The following CSMD3 variants were observed in gnomAD, a reference collection of about 807,000 sequenced individuals.
CSMD3 encodes the protein CUB and sushi domain-containing protein 3.
In CSMD3, 177 loss-of-function variants were observed where a neutral mutation model predicts 435.2. That is an observed-to-expected ratio of 0.41 (90% CI 0.36 to 0.46). The LOEUF is 0.46. Among genes scored for constraint, CSMD3 ranks in the 20% least tolerant of loss-of-function variants. CSMD3 has a pLI of 0.34. For missense variants in CSMD3, 4,265 were observed against 4,504.6 expected (o/e 0.95, Z 1.52); for synonymous variants, 1,656 against 1,520.5 (o/e 1.09, Z -2.07).
intron 28 of CSMD3, among the ~76,000 whole-genome samples, chr8:112,508,899 G>A (rs1822809206): frequency 6.6e-6 from 1 of 151,984 alleles, no homozygotes; most frequent in Non-Finnish European, 1.5e-5. Flanking sequence ...AGATTAAGAT[G>A]ACTAACAAGT....
At chr8:113,114,797 A>G (rs989786290) in intron 4 of CSMD3, among the ~76,000 whole-genome samples, 2 of 152,174 alleles carry the variant, frequency 1.3e-5, no homozygotes, top group African/African-American at 4.8e-5. Flanking sequence ...ACAGAGGTAG[A>G]TAGAACATTG....
intron 19 of CSMD3, 69 bp downstream of exon 19, chr8:112,650,092 C>T (rs1275848473): frequency 8.3e-6 from 9 of 1,083,416 alleles, no homozygotes; most frequent in Non-Finnish European, 1.3e-5. Context: ...TGTTAAACCC[C>T]ATATAAAAAA....
intron 10 of CSMD3, among the ~76,000 whole-genome samples, chr8:112,914,267 G>T (rs1238709538): frequency 1.3e-5 from 2 of 151,700 alleles, no homozygotes; most frequent in Non-Finnish European, 2.9e-5. Context: ...GTTGCTTTAG[G>T]GATGTTCTCT....
At chr8:112,497,904 G>T (rs1482971665) in intron 30 of CSMD3, among the ~76,000 whole-genome samples, 1 of 151,986 alleles carries the variant, frequency 6.6e-6, no homozygotes, top group African/African-American at 2.4e-5. Context: ...GGACCAGGTA[G>T]AAAATTAATG....
chr8:112,742,572 T>A (rs1044234395), intron 13 of CSMD3, among the ~76,000 whole-genome samples: 2 of 151,964 alleles, frequency 1.3e-5, no homozygotes, highest in Non-Finnish European at 2.9e-5. Flanking sequence ...GATTGTGTTA[T>A]ACTCCAGAGA....
At chr8:112,891,762 A>G (rs1304016726) in intron 10 of CSMD3, among the ~76,000 whole-genome samples, 1 of 151,552 alleles carries the variant, frequency 6.6e-6, no homozygotes, top group East Asian at 2.0e-4. Context: ...ACATTAGGAA[A>G]CTGAGGCTTA....
intron 1 of CSMD3, among the ~76,000 whole-genome samples, chr8:113,372,418 C>G (rs1182524195): frequency 1.3e-5 from 2 of 152,126 alleles, no homozygotes; most frequent in Non-Finnish European, 2.9e-5. Context: ...TTTCTACATA[C>G]ATAAGATGAG....
At chr8:112,910,591 T>A (rs1025091030) in intron 10 of CSMD3, among the ~76,000 whole-genome samples, 3 of 151,860 alleles carry the variant, frequency 2.0e-5, no homozygotes, top group African/African-American at 7.2e-5. Context: ...CTCCTAGGAC[T>A]GTAATGTTAC....
chr8:113,373,359 A>T (rs965633667), intron 1 of CSMD3, among the ~76,000 whole-genome samples: 1 of 151,856 alleles, frequency 6.6e-6, no homozygotes, highest in Non-Finnish European at 1.5e-5. Context: ...GATTTTATGG[A>T]CACACACACA....
At chr8:112,323,229 C>A (rs1412648851) in intron 45 of CSMD3, among the ~76,000 whole-genome samples, 1 of 152,006 alleles carries the variant, frequency 6.6e-6, no homozygotes, top group Non-Finnish European at 1.5e-5. Context: ...CTACAAAAGG[C>A]TTAATCATAA....
At chr8:113,221,521 A>C (rs918303017) in intron 3 of CSMD3, among the ~76,000 whole-genome samples, 4 of 151,226 alleles carry the variant, frequency 2.6e-5, no homozygotes, top group Non-Finnish European at 5.9e-5. Context: ...TTTATTTTTA[A>C]AAATTTAATA....
intron 13 of CSMD3, among the ~76,000 whole-genome samples, chr8:112,771,867 G>T (rs924366072): frequency 2.6e-5 from 4 of 152,016 alleles, no homozygotes; most frequent in African/African-American, 7.2e-5. Flanking sequence ...CAACAATATT[G>T]TGGTAAATCA....
At chr8:113,023,870 A>G (rs1013466512) in intron 5 of CSMD3, among the ~76,000 whole-genome samples, 3 of 152,138 alleles carry the variant, frequency 2.0e-5, no homozygotes, top group African/African-American at 4.8e-5. Flanking sequence ...TAATGATCAA[A>G]TCAGAGTAAT....
chr8:112,546,054 G>C (rs1827153308), intron 27 of CSMD3, among the ~76,000 whole-genome samples: 1 of 152,158 alleles, frequency 6.6e-6, no homozygotes, highest in Non-Finnish European at 1.5e-5. Flanking sequence ...TTTGAATGTA[G>C]GTACAAGTGT....
At chr8:112,300,506 A>T (rs2130748001) in intron 53 of CSMD3, among the ~76,000 whole-genome samples, 1 of 152,108 alleles carries the variant, frequency 6.6e-6, no homozygotes, top group Admixed American at 6.6e-5. Context: ...ATAATCATTG[A>T]AGTGGCCTCA....
chr8:112,733,380 G>GT (rs200334785), intron 13 of CSMD3, among the ~76,000 whole-genome samples: 49,462 of 147,994 alleles, frequency 0.33, 8,907 homozygotes, highest in African/African-American at 0.49. Flanking sequence ...GTGCTTGTTA[G>GT]TTTTTTTTTT....
chr8:112,342,468 G>A (rs1825216101), intron 41 of CSMD3, among the ~76,000 whole-genome samples: 2 of 151,812 alleles, frequency 1.3e-5, no homozygotes, highest in African/African-American at 2.4e-5. Flanking sequence ...TCTGATATTT[G>A]GTGAAAGTTT....
At chr8:113,358,046 T>A (rs1052066711) in intron 1 of CSMD3, among the ~76,000 whole-genome samples, 1 of 152,228 alleles carries the variant, frequency 6.6e-6, no homozygotes, top group African/African-American at 2.4e-5. Flanking sequence ...AAACTGTTTC[T>A]AGTATTCCAC....
At chr8:112,512,371 A>G (rs917122677) in intron 28 of CSMD3, among the ~76,000 whole-genome samples, 1 of 152,196 alleles carries the variant, frequency 6.6e-6, no homozygotes, top group Non-Finnish European at 1.5e-5. Context: ...TGGCATAAAA[A>G]CATTAATCTC....
Sources: allele counts gnomAD v4.1 joint callset (sites outside exome capture counted in the v4.1 genomes callset), GRCh38; gene constraint gnomAD v4.1.1; transcripts MANE v1.5; gene names NCBI Gene and HGNC (gene_info 2026-07-23, HGNC 2026-07-21).